Variants in AGK observed in about 807,000 individuals in gnomAD.
The protein encoded by AGK is acylglycerol kinase, also known as acylglycerol kinase, mitochondrial.
Under a neutral mutation model 66.4 loss-of-function variants are expected in AGK, and 52 were observed. That is an observed-to-expected ratio of 0.78 (90% CI 0.63 to 0.99). The LOEUF is 0.99. Ranked by LOEUF, AGK falls within the 50% of genes least tolerant of loss-of-function variation. The pLI is 0.00. For synonymous variants in AGK, 182 were observed against 181.1 expected (o/e 1.00, Z -0.04); for missense variants, 451 against 506.6 (o/e 0.89, Z 1.05).
At chr7:141,605,958 C>T (rs901265873) in intron 5 of AGK, among the ~76,000 whole-genome samples, 5 of 152,132 alleles carry the variant, frequency 3.3e-5, no homozygotes, top group Non-Finnish European at 5.9e-5. Flanking sequence ...ACACATAGAT[C>T]AGTGGTTTTC....
intron 11 of AGK, 93 bp from the exon 12 acceptor site, chr7:141,641,155 T>G (rs1797278367): frequency 8.3e-7 from 1 of 1,200,812 alleles, no homozygotes; most frequent in Admixed American, 2.2e-5. Context: ...TTCTAGCAGG[T>G]ATAGGTAGAC....
intron 2 of AGK, among the ~76,000 whole-genome samples, chr7:141,575,039 C>T (rs1795703419): frequency 6.6e-6 from 1 of 152,142 alleles, no homozygotes; most frequent in South Asian, 2.1e-4. Context: ...TTAGGTTTAG[C>T]TGGGCTTTTT....
chr7:141,633,034 C>T (rs1269560481), intron 9 of AGK, among the ~76,000 whole-genome samples: 1 of 152,182 alleles, frequency 6.6e-6, no homozygotes, highest in African/African-American at 2.4e-5. Flanking sequence ...CAAGGATTTG[C>T]CTCCAGTTCC....
chr7:141,621,836 AAAGT>A, intron 9 of AGK, 35 bp downstream of exon 9: 3 of 1,458,554 alleles, frequency 2.1e-6, no homozygotes, highest in Non-Finnish European at 2.9e-6. Context: ...AAAAATTGTG[AAAGT>A]AATACTCGCT....
chr7:141,646,597 G>A (rs1188684497), intron 13 of AGK, among the ~76,000 whole-genome samples: 2 of 152,156 alleles, frequency 1.3e-5, no homozygotes, highest in South Asian at 2.1e-4. Flanking sequence ...ACAGCCCACA[G>A]GCCCGACTAT....
chr7:141,601,361 A>C, intron 5 of AGK, 81 bp downstream of exon 5: 1 of 1,107,448 alleles, frequency 9.0e-7, no homozygotes, highest in Non-Finnish European at 1.3e-6. Context: ...CTTAGCAAAA[A>C]TTGCTTGTCA....
intron 3 of AGK, among the ~76,000 whole-genome samples, chr7:141,595,516 G>C (rs759252949): frequency 8.6e-5 from 13 of 152,042 alleles, no homozygotes; most frequent in Admixed American, 1.3e-4. Context: ...AATAAGAAAG[G>C]CTCCAAAATG....
In AGK at chr7:141,653,060, C is replaced by T. The variant is rs1208537630; in HGVS notation, c.*136C>T. On this transcript the variant is annotated 3_prime_UTR_variant, in exon 16 of 16. Coordinates refer to ENST00000649286, the MANE Select transcript of AGK (RefSeq NM_018238.4). ...TTCATGGCAAGTACCCCTCTGCCCC[C>T]ACTCCAGCAGTGCTTCCCAAAGTGT... is the stretch of plus-strand genomic sequence containing the variant. The T allele has an allele frequency of 9.9e-7, 1 of 1,011,462 alleles. No homozygotes were observed. The highest frequency in any genetic ancestry group is 1.6e-5 in the South Asian group (1 of 63,656). The allele number at this position is 1,011,462 out of a possible 1,614,324, so 62.7% of individuals were successfully genotyped here. A position where few individuals can be genotyped will look rare whatever the true frequency, so the allele number is the denominator to read the frequency against.
chr7:141,617,567 G>C (rs1420835023), intron 8 of AGK, among the ~76,000 whole-genome samples: 1 of 152,028 alleles, frequency 6.6e-6, no homozygotes, highest in African/African-American at 2.4e-5. Context: ...TACCACAGAG[G>C]AAAAAAGAAT....
At chr7:141,551,583 AG>A (rs1338521688) in intron 1 of AGK, 149 bp downstream of exon 1, 11 of 152,568 alleles carry the variant, frequency 7.2e-5, no homozygotes, top group African/African-American at 2.4e-4. Context: ...CCCAAGCATC[AG>A]GGGTCGTGGG....
At chr7:141,577,446 AAGTTCAG>A (rs1795769959) in intron 2 of AGK, among the ~76,000 whole-genome samples, 2 of 152,346 alleles carry the variant, frequency 1.3e-5, no homozygotes, top group South Asian at 4.1e-4. Flanking sequence ...GACTTTTCCT[AAGTTCAG>A]CTAAAGACAG....
chr7:141,634,830 CT>C (rs57395722), intron 10 of AGK, among the ~76,000 whole-genome samples: 7,683 of 136,540 alleles, frequency 0.056, 211 homozygotes, highest in South Asian at 0.15. Context: ...GCCTGCCATG[CT>C]TTTTTTTTTT....
At chr7:141,606,013 A>G (rs1207198833) in intron 5 of AGK, among the ~76,000 whole-genome samples, 1 of 152,204 alleles carries the variant, frequency 6.6e-6, no homozygotes, top group Non-Finnish European at 1.5e-5. Context: ...TTAAAAATGT[A>G]AGTCGTACCC....
At chr7:141,602,746 T>C (rs1796373537) in intron 5 of AGK, among the ~76,000 whole-genome samples, 1 of 152,110 alleles carries the variant, frequency 6.6e-6, no homozygotes, top group African/African-American at 2.4e-5. Context: ...TTCTGACATT[T>C]TAACTTCATT....
chr7:141,611,993 C>T (rs1796599463), intron 6 of AGK, among the ~76,000 whole-genome samples: 1 of 152,172 alleles, frequency 6.6e-6, no homozygotes, highest in African/African-American at 2.4e-5. Context: ...TTGGTATTTA[C>T]CAAAGGAGTT....
At chr7:141,564,810 A>G (rs1285890977) in intron 2 of AGK, among the ~76,000 whole-genome samples, 1 of 150,828 alleles carries the variant, frequency 6.6e-6, no homozygotes. Context: ...ACTCACCACA[A>G]CCTCTGCCTT....
intron 5 of AGK, among the ~76,000 whole-genome samples, chr7:141,602,804 C>T (rs544387726): frequency 6.6e-6 from 1 of 152,044 alleles, no homozygotes; most frequent in African/African-American, 2.4e-5. Context: ...ATTTAAGCTA[C>T]AGATCCACTC....
intron 6 of AGK, 93 bp downstream of exon 6, chr7:141,611,380 T>G: frequency 1.2e-6 from 1 of 868,164 alleles, no homozygotes. Flanking sequence ...TAAAGAAATT[T>G]TTTATTTTAA....
intron 2 of AGK, among the ~76,000 whole-genome samples, chr7:141,584,863 GACA>G: frequency 6.6e-6 from 1 of 152,192 alleles, no homozygotes; most frequent in South Asian, 2.1e-4. Flanking sequence ...TTGAAATGAA[GACA>G]GCCACCACTT....
Sources: gnomAD v4.1 joint callset for allele counts (sites outside exome capture counted in the v4.1 genomes callset) on GRCh38, gnomAD v4.1.1 for gene constraint, MANE v1.5 for transcripts, NCBI Gene and HGNC (gene_info 2026-07-23, HGNC 2026-07-21) for gene names.